Variants in RASGRF2 observed in about 807,000 individuals in gnomAD.
RASGRF2 encodes the protein ras-specific guanine nucleotide-releasing factor 2.
RASGRF2 carries 76 observed loss-of-function variants against 151.0 expected under a neutral mutation model. That is an observed-to-expected ratio of 0.50 (90% CI 0.42 to 0.61). The LOEUF (loss-of-function observed/expected upper bound fraction) is 0.61, where lower values mean the gene tolerates loss of function less well. RASGRF2 is among the 20% of genes least tolerant of loss of function. The probability of loss-of-function intolerance (pLI) is 0.00; values close to 1 mark genes in which losing one functional copy is unlikely to be tolerated. For missense variants in RASGRF2, 1,148 were observed against 1,564.6 expected (o/e 0.73, Z 4.49); for synonymous variants, 504 against 566.5 (o/e 0.89, Z 1.57).
intron 1 of RASGRF2, among the ~76,000 whole-genome samples, chr5:81,005,783 CT>C (rs745630653): frequency 1.3e-5 from 2 of 152,048 alleles, no homozygotes; most frequent in African/African-American, 4.8e-5. Flanking sequence ...TTTTGCAGTA[CT>C]TTTTTTCCTT....
At chr5:81,032,170 C>CA (rs1237853133) in intron 1 of RASGRF2, among the ~76,000 whole-genome samples, 4 of 152,058 alleles carry the variant, frequency 2.6e-5, no homozygotes, top group East Asian at 1.9e-4. Flanking sequence ...GCCTACCAAC[C>CA]AAAAAAAGTC....
intron 22 of RASGRF2, among the ~76,000 whole-genome samples, chr5:81,211,570 T>C (rs1755631994): frequency 6.6e-6 from 1 of 152,222 alleles, no homozygotes; most frequent in Non-Finnish European, 1.5e-5. Flanking sequence ...TTAGCGAATT[T>C]CCACAGTGAT....
At chr5:81,028,807 C>G (rs1369871416) in intron 1 of RASGRF2, among the ~76,000 whole-genome samples, 2 of 152,302 alleles carry the variant, frequency 1.3e-5, no homozygotes, top group Non-Finnish European at 1.5e-5. Context: ...GCTTGTCAGA[C>G]AGTGGGTGCA....
chr5:81,190,911 T>C (rs987642756), intron 18 of RASGRF2, among the ~76,000 whole-genome samples: 2 of 151,916 alleles, frequency 1.3e-5, no homozygotes, highest in Non-Finnish European at 2.9e-5. Context: ...ATGGATTTCG[T>C]TGATGGAATT....
intron 1 of RASGRF2, among the ~76,000 whole-genome samples, chr5:80,994,227 G>A (rs113185115): frequency 0.21 from 31,920 of 151,804 alleles, 3,899 homozygotes; most frequent in Middle Eastern, 0.41. Context: ...TTAGCCAGGC[G>A]TGGTGGTAGG....
At chr5:81,089,421 G>A (rs548666884) in intron 9 of RASGRF2, among the ~76,000 whole-genome samples, 5 of 152,120 alleles carry the variant, frequency 3.3e-5, no homozygotes, top group South Asian at 2.1e-4. Flanking sequence ...AGAAAAATAC[G>A]TCATCCAGAT....
Position 81,113,368 on chromosome 5 carries a change from T to C in RASGRF2, c.2088-170T>C, listed in dbSNP as rs1034819440. The C allele has an allele frequency of 6.5e-5, 50 of 767,976 alleles. No homozygotes were observed. In the East Asian group the frequency reaches 1.3e-3, roughly 20 times the overall value. The allele number at this position is 767,976 out of a possible 1,614,324, so 47.6% of individuals were successfully genotyped here. A position where few individuals can be genotyped will look rare whatever the true frequency, so the allele number is the denominator to read the frequency against. ...GACGATGCCTAATAAGTGTCTGTGC[T>C]TCTTTGGCAGGTGGAGGGTATACAT... On this transcript the variant is annotated intron_variant, in intron 14 of 26. Coordinates refer to ENST00000265080, the MANE Select transcript of RASGRF2 (RefSeq NM_006909.3).
At chr5:81,052,654 A>C (rs1183621241) in intron 2 of RASGRF2, among the ~76,000 whole-genome samples, 1 of 152,210 alleles carries the variant, frequency 6.6e-6, no homozygotes, top group Non-Finnish European at 1.5e-5. Context: ...TAGCCAATGA[A>C]GTGGAGATAC....
chr5:81,021,021 G>GTCA (rs1749809033), intron 1 of RASGRF2, among the ~76,000 whole-genome samples: 1 of 152,208 alleles, frequency 6.6e-6, no homozygotes. Flanking sequence ...AGATTACGCT[G>GTCA]TCACAGCACA....
At chr5:81,160,382 C>G (rs1165523637) in intron 17 of RASGRF2, among the ~76,000 whole-genome samples, 2 of 152,092 alleles carry the variant, frequency 1.3e-5, no homozygotes, top group Non-Finnish European at 1.5e-5. Flanking sequence ...GATAGCACCA[C>G]TGCACTCCGG....
intron 18 of RASGRF2, among the ~76,000 whole-genome samples, chr5:81,187,598 C>G (rs1015490172): frequency 1.3e-5 from 2 of 152,214 alleles, no homozygotes; most frequent in African/African-American, 4.8e-5. Flanking sequence ...GACCATGGCT[C>G]TTTCCCAGTA....
At chr5:81,029,774 A>G (rs917603533) in intron 1 of RASGRF2, among the ~76,000 whole-genome samples, 5 of 152,264 alleles carry the variant, frequency 3.3e-5, no homozygotes, top group Non-Finnish European at 7.3e-5. Context: ...CTTGCCAGCA[A>G]TGGAGCAAAG....
intron 1 of RASGRF2, among the ~76,000 whole-genome samples, chr5:81,029,324 A>G (rs1260187067): frequency 3.9e-5 from 6 of 152,182 alleles, no homozygotes; most frequent in Non-Finnish European, 8.8e-5. Context: ...ACACAGGTTG[A>G]GATCTGAGAC....
At chr5:80,983,599 A>G (rs1257066666) in intron 1 of RASGRF2, among the ~76,000 whole-genome samples, 2 of 152,208 alleles carry the variant, frequency 1.3e-5, no homozygotes, top group Admixed American at 6.5e-5. Context: ...AATATTTACT[A>G]TCTTGCCCTT....
intron 1 of RASGRF2, among the ~76,000 whole-genome samples, chr5:81,013,700 T>C (rs1257563360): frequency 5.3e-5 from 8 of 151,996 alleles, no homozygotes; most frequent in Non-Finnish European, 1.0e-4. Context: ...AGATTTCTAA[T>C]TGTTTTCTAC....
chr5:81,005,833 G>A (rs501544), intron 1 of RASGRF2, among the ~76,000 whole-genome samples: 124,967 of 152,064 alleles, frequency 0.82, 51,818 homozygotes, highest in Middle Eastern at 0.92. Context: ...CCTTGGTGAG[G>A]TGGGCTCTGT....
chr5:81,089,894 T>G (rs899442263), intron 9 of RASGRF2, among the ~76,000 whole-genome samples: 3 of 152,230 alleles, frequency 2.0e-5, no homozygotes, highest in Admixed American at 6.5e-5. Context: ...GATCCAAATT[T>G]TGGAATGACT....
intron 2 of RASGRF2, among the ~76,000 whole-genome samples, chr5:81,061,532 G>T (rs1554090543): frequency 6.8e-6 from 1 of 146,212 alleles, no homozygotes; most frequent in Admixed American, 6.9e-5. Context: ...TTTTGAGACA[G>T]GATCTCTCCC....
At chr5:81,094,479 C>A in intron 11 of RASGRF2, 117 bp downstream of exon 11, 3 of 923,042 alleles carry the variant, frequency 3.3e-6, no homozygotes, top group African/African-American at 1.7e-5. Context: ...AGCCCATGAG[C>A]CTTGTTAAAC....
Sources: allele counts gnomAD v4.1 joint callset (sites outside exome capture counted in the v4.1 genomes callset), GRCh38; gene constraint gnomAD v4.1.1; transcripts MANE v1.5; gene names NCBI Gene and HGNC (gene_info 2026-07-23, HGNC 2026-07-21).